The following SBF2 variants were observed in gnomAD, a reference collection of about 807,000 sequenced individuals.
The protein encoded by SBF2 is SET binding factor 2.
In SBF2, 112 loss-of-function variants were observed where a neutral mutation model predicts 225.2. That is an observed-to-expected ratio of 0.50 (90% CI 0.43 to 0.58). SBF2 has a LOEUF of 0.58. Ranked by LOEUF, SBF2 falls within the 20% of genes least tolerant of loss-of-function variation. The pLI is 0.00. For synonymous variants in SBF2, 763 were observed against 773.3 expected (o/e 0.99, Z 0.22); for missense variants, 1,996 against 2,206.2 (o/e 0.90, Z 1.91).
At chr11:10,010,704 C>T (rs1250497069) in intron 6 of SBF2, among the ~76,000 whole-genome samples, 1 of 152,020 alleles carries the variant, frequency 6.6e-6, no homozygotes, top group East Asian at 1.9e-4. Flanking sequence ...TTGCTTAGGA[C>T]TGTCTTGGCT....
intron 1 of SBF2, among the ~76,000 whole-genome samples, chr11:10,242,954 A>G (rs145932581): frequency 8.7e-4 from 133 of 152,312 alleles, no homozygotes; most frequent in African/African-American, 3.0e-3. Context: ...GAAAATATCA[A>G]ACTTGAACAA....
chr11:9,999,062 T>C (rs1947830387), intron 8 of SBF2, among the ~76,000 whole-genome samples: 1 of 152,194 alleles, frequency 6.6e-6, no homozygotes, highest in Non-Finnish European at 1.5e-5. Context: ...AGCTGATCTT[T>C]AGCATTTTAC....
chr11:10,049,217 T>C (rs1395986571), intron 2 of SBF2, among the ~76,000 whole-genome samples: 9 of 152,252 alleles, frequency 5.9e-5, no homozygotes, highest in African/African-American at 2.2e-4. Context: ...TTTTTTGTTT[T>C]GGAAAAGATG....
intron 1 of SBF2, among the ~76,000 whole-genome samples, chr11:10,279,106 T>TAAAA (rs58093618): frequency 5.3e-4 from 30 of 56,098 alleles, no homozygotes; most frequent in Non-Finnish European, 6.3e-4. Flanking sequence ...GGTCTTGTAT[T>TAAAA]AAAAAAAAAA....
intron 1 of SBF2, among the ~76,000 whole-genome samples, chr11:10,256,589 C>T (rs1305505464): frequency 1.3e-5 from 2 of 152,188 alleles, no homozygotes; most frequent in Non-Finnish European, 2.9e-5. Flanking sequence ...ATGGTTGTAG[C>T]TTCCACTAAG....
chr11:10,092,681 T>C (rs1252581195), intron 2 of SBF2, among the ~76,000 whole-genome samples: 1 of 152,210 alleles, frequency 6.6e-6, no homozygotes, highest in African/African-American at 2.4e-5. Context: ...GTGAAAGGAA[T>C]GAAAGAGGGT....
At chr11:9,907,130 A>G (rs1862179716) in intron 16 of SBF2, among the ~76,000 whole-genome samples, 1 of 152,252 alleles carries the variant, frequency 6.6e-6, no homozygotes, top group Non-Finnish European at 1.5e-5. Flanking sequence ...CATCTTCTAC[A>G]TAAGGACAAA....
intron 13 of SBF2, among the ~76,000 whole-genome samples, chr11:9,973,635 A>T (rs1173737808): frequency 6.6e-6 from 1 of 152,192 alleles, no homozygotes; most frequent in Non-Finnish European, 1.5e-5. Context: ...TGACATATAC[A>T]CACATCATCT....
At chr11:10,296,717 C>T (rs1964552874), upstream of SBF2, among the ~76,000 whole-genome samples, 1 of 152,086 alleles carries the variant, frequency 6.6e-6, no homozygotes, top group Non-Finnish European at 1.5e-5. Flanking sequence ...ATTTGAGTAC[C>T]TGTTTTCAAT....
chr11:9,809,264 G>A (rs548408635), intron 30 of SBF2: 48 of 399,702 alleles, frequency 1.2e-4, no homozygotes, highest in South Asian at 9.2e-4. Context: ...TTCGGAGTTC[G>A]AGACCAGCCT....
chr11:10,132,090 T>G (rs1014287925), intron 2 of SBF2, among the ~76,000 whole-genome samples: 1 of 152,210 alleles, frequency 6.6e-6, no homozygotes, highest in Admixed American at 6.5e-5. Context: ...GGATATCCAA[T>G]TGCACTGGCC....
intron 2 of SBF2, among the ~76,000 whole-genome samples, chr11:10,082,072 G>A (rs1951389697): frequency 6.6e-6 from 1 of 152,020 alleles, no homozygotes; most frequent in African/African-American, 2.4e-5. Flanking sequence ...CCACAGAAAT[G>A]CAAAAGAGCA....
chr11:10,204,123 A>G (rs546126651), intron 1 of SBF2, among the ~76,000 whole-genome samples: 2 of 152,120 alleles, frequency 1.3e-5, no homozygotes, highest in Admixed American at 1.3e-4. Flanking sequence ...ATCTAAAAAC[A>G]GCTGGAGAAA....
intron 16 of SBF2, among the ~76,000 whole-genome samples, chr11:9,921,332 A>C (rs1023465253): frequency 6.6e-6 from 1 of 152,074 alleles, no homozygotes; most frequent in Non-Finnish European, 1.5e-5. Flanking sequence ...GGCCTCCCAA[A>C]GTGCTGGGAT....
At chr11:9,866,703 G>A (rs1858249523) in intron 17 of SBF2, among the ~76,000 whole-genome samples, 1 of 152,060 alleles carries the variant, frequency 6.6e-6, no homozygotes, top group South Asian at 2.1e-4. Context: ...AAAAAGCACA[G>A]GCAACAAAAG....
At chr11:10,019,813 C>T (rs1948781558) in intron 6 of SBF2, among the ~76,000 whole-genome samples, 1 of 152,050 alleles carries the variant, frequency 6.6e-6, no homozygotes. Context: ...AAAAATCATC[C>T]TACAATTGAT....
intron 1 of SBF2, among the ~76,000 whole-genome samples, chr11:10,211,829 T>C (rs1957953481): frequency 6.6e-6 from 1 of 152,220 alleles, no homozygotes; most frequent in Non-Finnish European, 1.5e-5. Context: ...AATAGTTAAC[T>C]ACCAAGTGCC....
chr11:10,043,085 T>C, intron 2 of SBF2, 104 bp from the exon 3 acceptor site: 4 of 1,108,836 alleles, frequency 3.6e-6, no homozygotes, highest in Non-Finnish European at 5.3e-6. Context: ...AATTCCTACC[T>C]GATGTGGTAT....
At position 10,031,137 on chromosome 11, in the gene SBF2, T is replaced by G; in HGVS notation, c.313A>C (p.Lys105Gln). ...TKKEEIEGEA[K>Q]VSGLIQPAEV... ...GCAGGCTGAATTAAACCAGACACTT[T>G]TGCTTCACCTTCAATCTCTTCCTTC... Residue 105 changes from lysine to glutamine, a missense_variant, in exon 4 of 40, where the codon AAA becomes CAA. Lys to Gln is a moderately conservative substitution (Grantham distance 53). Coordinates refer to ENST00000256190, the MANE Select transcript of SBF2 (RefSeq NM_030962.4). 6.2e-7 allele frequency: 1 copy of G among 1,613,630 alleles called. No individual in the cohort carries two copies. The highest frequency in any genetic ancestry group is 8.5e-7 in the Non-Finnish European group (1 of 1,179,704).
Sources: gnomAD v4.1 joint callset for allele counts (sites outside exome capture counted in the v4.1 genomes callset) on GRCh38, gnomAD v4.1.1 for gene constraint, MANE v1.5 for transcripts, NCBI Gene and HGNC (gene_info 2026-07-23, HGNC 2026-07-21) for gene names.